The following OCA2 variants were observed in gnomAD, a reference collection of about 807,000 sequenced individuals.
OCA2 encodes P protein.
Under a neutral mutation model 100.2 loss-of-function variants are expected in OCA2, and 77 were observed. The ratio of observed to expected loss-of-function variants is 0.77; its 90% confidence interval spans 0.64 to 0.93. The LOEUF (loss-of-function observed/expected upper bound fraction) is 0.93. Ranked by LOEUF, OCA2 falls within the 40% of genes least tolerant of loss-of-function variation. OCA2 has a pLI of 0.00. For synonymous variants in OCA2, 432 were observed against 439.2 expected (o/e 0.98, Z 0.21); for missense variants, 1,062 against 1,089.1 (o/e 0.98, Z 0.35).
the OCA2 span, among the ~76,000 whole-genome samples, chr15:27,747,426 G>C: frequency 4.6e-5 from 7 of 152,190 alleles, no homozygotes; most frequent in Non-Finnish European, 2.9e-5. Flanking sequence ...AGCCAGTTCT[G>C]GGCATGTTCA....
chr15:27,889,361 G>A (rs2037361598), intron 19 of OCA2, among the ~76,000 whole-genome samples: 1 of 152,182 alleles, frequency 6.6e-6, no homozygotes, highest in Non-Finnish European at 1.5e-5. Flanking sequence ...AACAAGAACT[G>A]CAGCTCAGGT....
chr15:28,058,320 G>A (rs929247920), intron 2 of OCA2, among the ~76,000 whole-genome samples: 3 of 152,234 alleles, frequency 2.0e-5, no homozygotes, highest in African/African-American at 4.8e-5. Context: ...TGCCTCTACC[G>A]CCTCTTCCGT....
chr15:27,808,235 G>A (rs973208413), intron 23 of OCA2, among the ~76,000 whole-genome samples: 3 of 152,242 alleles, frequency 2.0e-5, no homozygotes, highest in African/African-American at 7.2e-5. Flanking sequence ...GAACTCCCAC[G>A]TGTGCAGCAG....
rs926792583 is a variant in OCA2 at position 27,966,801 on chromosome 15, T to C, written c.1525A>G (p.Thr509Ala). Residue 509 changes from threonine to alanine, a missense_variant, in exon 15 of 24, where the codon ACT becomes GCT. Physicochemically the swap from Thr to Ala is moderately conservative, Grantham distance 58 (BLOSUM62 0). Coordinates refer to ENST00000354638, the MANE Select transcript of OCA2 (RefSeq NM_000275.3). ...CAAATCCCAATGAACATGTGTGCAG[T>C]GAATCCGGCAAAGTCCAGGCCCTGG... is the stretch of plus-strand genomic sequence containing the variant. ...RKMGLDFAGF[T>A]AHMFIGICLV... 5.6e-6 allele frequency: 9 copies of C among 1,612,332 alleles called. No homozygotes were observed. Among genetic ancestry groups the C allele is most frequent in the Non-Finnish European group, 6.8e-6 (8 of 1,179,782 alleles).
At chr15:27,914,917 GC>G (rs754111372) in intron 19 of OCA2, among the ~76,000 whole-genome samples, 5 of 152,040 alleles carry the variant, frequency 3.3e-5, no homozygotes, top group Non-Finnish European at 5.9e-5. Context: ...GAAGTTTAAA[GC>G]AAAAAGAACA....
At chr15:28,058,631 T>A (rs1167605358) in intron 2 of OCA2, among the ~76,000 whole-genome samples, 1 of 152,212 alleles carries the variant, frequency 6.6e-6, no homozygotes, top group Non-Finnish European at 1.5e-5. Context: ...GGGAACATGA[T>A]GTCGACTTCT....
At chr15:27,968,986 CAAAAAA>C (rs61334149) in intron 14 of OCA2, among the ~76,000 whole-genome samples, 1 of 98,110 alleles carries the variant, frequency 1.0e-5, no homozygotes, top group Non-Finnish European at 2.5e-5. Context: ...AACTCAGAGG[CAAAAAA>C]AAAAAAAAAG....
At chr15:28,093,458 G>A (rs980631052) in intron 1 of OCA2, among the ~76,000 whole-genome samples, 5 of 151,458 alleles carry the variant, frequency 3.3e-5, no homozygotes, top group Non-Finnish European at 5.9e-5. Context: ...AGACAACACC[G>A]CCAGCTGCCT....
intron 21 of OCA2, among the ~76,000 whole-genome samples, chr15:27,868,460 C>T (rs139787919): frequency 2.6e-4 from 39 of 152,162 alleles, no homozygotes; most frequent in African/African-American, 8.9e-4. Flanking sequence ...GTGAGATAAG[C>T]GAGTTACAGA....
the OCA2 span, among the ~76,000 whole-genome samples, chr15:27,720,253 A>G: frequency 6.6e-6 from 1 of 152,034 alleles, no homozygotes; most frequent in Non-Finnish European, 1.5e-5. Flanking sequence ...GCAAATTGTG[A>G]TCTATCCATT....
At chr15:27,879,411 G>A (rs191981551) in intron 19 of OCA2, among the ~76,000 whole-genome samples, 1 of 152,226 alleles carries the variant, frequency 6.6e-6, no homozygotes, top group African/African-American at 2.4e-5. Flanking sequence ...TTGGGCCCTA[G>A]GTCTCTGAGG....
chr15:28,070,573 G>C (rs1403629018), intron 2 of OCA2, among the ~76,000 whole-genome samples: 1 of 141,836 alleles, frequency 7.1e-6, no homozygotes. Flanking sequence ...CAGCCGCCCC[G>C]TCTGGGAGGT....
rs1264360303 is a variant in OCA2 at position 28,050,466 on chromosome 15, CAGG to C, written c.228-18306_228-18304del. 3.3e-5 allele frequency among the ~76,000 whole-genome samples: 5 copies of C among 151,022 alleles called. No homozygotes were observed. In the East Asian group the frequency reaches 9.9e-4, roughly 30 times the overall value. Reference sequence around the variant, plus strand: ...ATCCCAGCTACTTGGGAGGCTGAGGCAGGAGAATAGCTTGAACCCGGGAGGCGG... The same window carrying C: ...ATCCCAGCTACTTGGGAGGCTGAGGCAGAATAGCTTGAACCCGGGAGGCGG... On this transcript the variant is annotated intron_variant, in intron 2 of 23. Transcript: ENST00000354638.
At chr15:27,952,516 G>A (rs907609177) in intron 17 of OCA2, among the ~76,000 whole-genome samples, 4 of 152,226 alleles carry the variant, frequency 2.6e-5, no homozygotes, top group African/African-American at 7.2e-5. Flanking sequence ...CCATGGCTGC[G>A]TGGGGCCAGG....
intron 18 of OCA2, among the ~76,000 whole-genome samples, chr15:27,934,096 G>T (rs781623021): frequency 6.6e-6 from 1 of 151,592 alleles, no homozygotes; most frequent in African/African-American, 2.4e-5. Context: ...TATCACACAA[G>T]CCTTGCCATT....
At chr15:27,805,173 G>C (rs916014562) in intron 23 of OCA2, among the ~76,000 whole-genome samples, 5 of 152,242 alleles carry the variant, frequency 3.3e-5, no homozygotes, top group Non-Finnish European at 7.3e-5. Flanking sequence ...CGCGCAGAGC[G>C]CCCAGCGCAG....
chr15:27,850,374 T>G (rs1056155736), intron 22 of OCA2, among the ~76,000 whole-genome samples: 1 of 152,214 alleles, frequency 6.6e-6, no homozygotes, highest in Non-Finnish European at 1.5e-5. Context: ...GTATAGCAGA[T>G]GCTCAGCAAG....
chr15:27,996,391 G>A (rs1328243549), intron 9 of OCA2, among the ~76,000 whole-genome samples: 1 of 151,752 alleles, frequency 6.6e-6, no homozygotes, highest in Non-Finnish European at 1.5e-5. Flanking sequence ...CTTTAAAAAA[G>A]AAGAAAGAGC....
At chr15:27,997,240 G>GGAGA (rs150570624) in intron 9 of OCA2, among the ~76,000 whole-genome samples, 1 of 145,428 alleles carries the variant, frequency 6.9e-6, no homozygotes, top group African/African-American at 2.5e-5. Flanking sequence ...GAAGGAAGGA[G>GGAGA]GAAAGAAAGA....
Sources: gnomAD v4.1 joint callset for allele counts (sites outside exome capture counted in the v4.1 genomes callset) on GRCh38, gnomAD v4.1.1 for gene constraint, MANE v1.5 for transcripts, NCBI Gene and HGNC (gene_info 2026-07-23, HGNC 2026-07-21) for gene names.